The following PCDHGA6 variants were observed in gnomAD, a reference collection of about 807,000 sequenced individuals.
PCDHGA6 encodes the protein protocadherin gamma-A6.
PCDHGA6 carries 41 observed loss-of-function variants against 60.6 expected under a neutral mutation model. That is an observed-to-expected ratio of 0.68 (90% CI 0.53 to 0.88). PCDHGA6 has a LOEUF of 0.88. PCDHGA6 is among the 40% of genes least tolerant of loss of function. The probability of loss-of-function intolerance (pLI) is 0.00; values close to 1 mark genes in which losing one functional copy is unlikely to be tolerated. For missense variants in PCDHGA6, 1,312 were observed against 1,203.0 expected, an observed-to-expected ratio of 1.09 and a Z score of -1.34; for synonymous variants, 594 against 524.4, an observed-to-expected ratio of 1.13 and a Z score of -1.81.
At chr5:141,466,654 C>A (rs985749176) in intron 1 of PCDHGA6, among the ~76,000 whole-genome samples, 12 of 152,178 alleles carry the variant, frequency 7.9e-5, no homozygotes, top group African/African-American at 2.9e-4. Flanking sequence ...TTTCACAAAA[C>A]ATCAGTGATT....
intron 1 of PCDHGA6, chr5:141,414,450 A>C (rs759840643): frequency 9.3e-6 from 15 of 1,613,772 alleles, no homozygotes. Context: ...ACAATATCAC[A>C]GTGACAGCCA....
intron 1 of PCDHGA6, among the ~76,000 whole-genome samples, chr5:141,386,454 C>T (rs1377987276): frequency 6.6e-6 from 1 of 152,064 alleles, no homozygotes; most frequent in South Asian, 2.1e-4. Flanking sequence ...GGCAAGAGGA[C>T]AGCTTGAACC....
intron 1 of PCDHGA6, among the ~76,000 whole-genome samples, chr5:141,482,857 A>T (rs2099573663): frequency 6.6e-6 from 1 of 152,140 alleles, no homozygotes; most frequent in Admixed American, 6.5e-5. Flanking sequence ...AGATCACTTG[A>T]GGTCAGGAGT....
chr5:141,509,233 AG>A (rs1204393769), intron 3 of PCDHGA6, among the ~76,000 whole-genome samples: 1 of 152,104 alleles, frequency 6.6e-6, no homozygotes, highest in Non-Finnish European at 1.5e-5. Context: ...TTGATGTCCC[AG>A]GATTACTCAG....
intron 1 of PCDHGA6, among the ~76,000 whole-genome samples, chr5:141,463,438 C>CTTTTTTTTT (rs71576115): frequency 4.8e-5 from 5 of 103,252 alleles, no homozygotes; most frequent in African/African-American, 2.2e-4. Context: ...TTTCCTTCTC[C>CTTTTTTTTT]TTTTTTTTTT....
intron 1 of PCDHGA6, chr5:141,385,151 A>T: frequency 6.2e-7 from 1 of 1,614,224 alleles, no homozygotes; most frequent in Non-Finnish European, 8.5e-7. Context: ...GCTTTCCTGC[A>T]GACCTATTCC....
chr5:141,430,337 C>G (rs531455580), intron 1 of PCDHGA6, among the ~76,000 whole-genome samples: 1 of 150,908 alleles, frequency 6.6e-6, no homozygotes, highest in East Asian at 2.0e-4. Context: ...TTTATAGAAA[C>G]TTCCAATTCA....
chr5:141,392,791 G>T, intron 1 of PCDHGA6: 1 of 1,557,836 alleles, frequency 6.4e-7, no homozygotes, highest in Non-Finnish European at 8.7e-7. Flanking sequence ...AAGATTCTGA[G>T]AGGATTCTGC....
intron 1 of PCDHGA6, chr5:141,427,957 C>T: frequency 2.5e-6 from 4 of 1,588,402 alleles, no homozygotes; most frequent in South Asian, 1.1e-5. Context: ...GACAATGTGC[C>T]GCGGGTGCTG....
At chr5:141,504,269 A>T (rs7715517) in intron 2 of PCDHGA6, among the ~76,000 whole-genome samples, 3,100 of 152,246 alleles carry the variant, frequency 0.02, 113 homozygotes, top group African/African-American at 0.07. Context: ...GTATTTTTTT[A>T]AATTATGAAT....
chr5:141,470,836 C>T lies in PCDHGA6; in HGVS notation c.2425-23971C>T, dbSNP rs577375498. On this transcript the variant is annotated intron_variant, in intron 1 of 3. Transcript: ENST00000517434. ...CTGAGTAGTTAGGACGACAAACACA[C>T]GCCACCATGCTCAGATAAGTTTTTT... 2.6e-5 allele frequency among the ~76,000 whole-genome samples: 4 copies of T among 152,176 alleles called. No homozygotes were observed. The East Asian group carries it at 5.8e-4, about 22-fold the overall frequency.
chr5:141,438,811 G>T (rs2098067148), intron 1 of PCDHGA6, among the ~76,000 whole-genome samples: 1 of 149,790 alleles, frequency 6.7e-6, no homozygotes, highest in East Asian at 2.0e-4. Context: ...ACAGGCGCCT[G>T]TCACCATGCC....
chr5:141,420,042 A>T, intron 1 of PCDHGA6: 2 of 1,614,048 alleles, frequency 1.2e-6, no homozygotes, highest in Non-Finnish European at 8.5e-7. Context: ...GACTGCTTTG[A>T]GTCAGTTCTC....
At chr5:141,399,642 G>C (rs755191053) in intron 1 of PCDHGA6, 3 of 1,613,750 alleles carry the variant, frequency 1.9e-6, no homozygotes, top group Non-Finnish European at 2.5e-6. Flanking sequence ...CCATGAGCGC[G>C]CAAAGTGGGG....
At chr5:141,478,528 G>A (rs1013766552) in intron 1 of PCDHGA6, 1 of 1,609,730 alleles carries the variant, frequency 6.2e-7, no homozygotes, top group Non-Finnish European at 8.5e-7. Context: ...TGGGTGCAGA[G>A]AGCGCCCCTC....
At chr5:141,429,610 T>C (rs2097228693) in intron 1 of PCDHGA6, among the ~76,000 whole-genome samples, 2 of 152,230 alleles carry the variant, frequency 1.3e-5, no homozygotes, top group African/African-American at 4.8e-5. Flanking sequence ...AACTCAATTT[T>C]ATGTCTGATA....
intron 1 of PCDHGA6, chr5:141,414,606 A>C: frequency 6.2e-7 from 1 of 1,613,944 alleles, no homozygotes; most frequent in Non-Finnish European, 8.5e-7. Flanking sequence ...CCATCTTCTC[A>C]GTGACAGCGC....
intron 1 of PCDHGA6, among the ~76,000 whole-genome samples, chr5:141,445,961 G>C (rs944876169): frequency 6.6e-6 from 1 of 152,158 alleles, no homozygotes; most frequent in Non-Finnish European, 1.5e-5. Flanking sequence ...GCTATATGGA[G>C]AATTGATTTA....
Position 141,476,854 on chromosome 5 carries a change from G to A in PCDHGA6, c.2425-17953G>A. The A allele has an allele frequency of 6.2e-7, 1 of 1,613,860 alleles. No individual in the cohort carries two copies. The highest frequency in any genetic ancestry group is 1.1e-5 in the South Asian group (1 of 91,088). ...ATGACAATGCGCCTGTCTTCAACCA[G>A]TCCTTGTACCGGGCGCGCGTCCTGG... On this transcript the variant is annotated intron_variant, in intron 1 of 3. Transcript: ENST00000517434. This position sits in a 1 kb window ranked among gnomAD's most constrained non-coding sequence, Gnocchi z 7.6.
Sources: allele counts gnomAD v4.1 joint callset (sites outside exome capture counted in the v4.1 genomes callset), GRCh38; gene constraint gnomAD v4.1.1; non-coding constraint Gnocchi (gnomAD v3.1); transcripts MANE v1.5; gene names NCBI Gene and HGNC (gene_info 2026-07-23, HGNC 2026-07-21).